Variants in NTN1 observed in about 807,000 individuals in gnomAD.
The protein encoded by NTN1 is netrin-1.
In NTN1, 11 loss-of-function variants were observed where a neutral mutation model predicts 54.2. That is an observed-to-expected ratio of 0.20 (90% CI 0.13 to 0.34). NTN1 has a LOEUF of 0.34. NTN1 is among the 10% of genes least tolerant of loss of function. NTN1 has a pLI of 1.00. For synonymous variants in NTN1, 371 were observed against 382.0 expected (o/e 0.97, Z 0.33); for missense variants, 740 against 893.1 (o/e 0.83, Z 2.18).
intron 6 of NTN1, among the ~76,000 whole-genome samples, chr17:9,224,738 G>A (rs1021437546): frequency 1.3e-5 from 2 of 151,576 alleles, no homozygotes; most frequent in African/African-American, 2.4e-5. Context: ...TGGCCCAGGC[G>A]CGTCACCCAG....
At chr17:9,058,453 C>T (rs922186259) in intron 2 of NTN1, among the ~76,000 whole-genome samples, 3 of 150,898 alleles carry the variant, frequency 2.0e-5, no homozygotes, top group African/African-American at 7.3e-5. Context: ...GAATTATGTA[C>T]GTTTCTGTGT....
At chr17:9,060,477 G>C (rs2091993572) in intron 2 of NTN1, among the ~76,000 whole-genome samples, 1 of 152,168 alleles carries the variant, frequency 6.6e-6, no homozygotes, top group Admixed American at 6.5e-5. Flanking sequence ...GTTTTTTACT[G>C]TGTGGGGCAT....
intron 5 of NTN1, among the ~76,000 whole-genome samples, chr17:9,204,250 C>T (rs1226297837): frequency 1.4e-5 from 2 of 139,200 alleles, no homozygotes; most frequent in Non-Finnish European, 3.0e-5. Context: ...CTCTGTTTCT[C>T]TCTCTCTCTC....
At chr17:9,061,987 G>A (rs1437289126) in intron 2 of NTN1, among the ~76,000 whole-genome samples, 1 of 152,188 alleles carries the variant, frequency 6.6e-6, no homozygotes, top group Non-Finnish European at 1.5e-5. Context: ...ACAGGTGTGA[G>A]CCACCACAGC....
rs953524558 is a variant in NTN1 at position 9,219,504 on chromosome 17, C to T, written c.1412-1664C>T. ...GGCCCCAAGAGTCTGGCACAGGAAG[C>T]GGTGGGAGGCTACCACACCCATGGC... On this transcript the variant is annotated intron_variant, in intron 5 of 6. Transcript: ENST00000173229. The surrounding 1 kb of genome is among the most constrained non-coding windows in gnomAD (Gnocchi z 4.5). Among the ~76,000 whole-genome samples, 9 of 152,146 alleles carry T rather than the reference C, an allele frequency of 5.9e-5. No individual in the cohort carries two copies. Among genetic ancestry groups the T allele is most frequent in the African/African-American group, 1.9e-4 (8 of 41,414 alleles).
intron 2 of NTN1, among the ~76,000 whole-genome samples, chr17:9,055,983 A>T (rs1248838938): frequency 1.3e-5 from 2 of 150,784 alleles, no homozygotes; most frequent in Non-Finnish European, 3.0e-5. Flanking sequence ...CTGCAGCCTC[A>T]ACCTCCCAGA....
Position 9,127,076 on chromosome 17 carries a change from G to GGC in NTN1, c.1019-35736_1019-35735insCG, listed in dbSNP as rs1555570077. On this transcript the variant is annotated intron_variant, in intron 2 of 6. Transcript: ENST00000173229. ...GAGTGAGATTGTGGTAGGGCCGGGG[G>GGC]GGGGCAGGACAGGGAGTTAGGATTT... 5.5e-5 allele frequency among the ~76,000 whole-genome samples: 8 copies of GGC among 146,332 alleles called. No individual in the cohort carries two copies. In the East Asian group the frequency reaches 1.3e-3, roughly 23 times the overall value.
Position 9,239,618 on chromosome 17 carries a change from G to A in NTN1, c.1487-22G>A, listed in dbSNP as rs1225996712. 1.9e-6 allele frequency: 3 copies of A among 1,597,442 alleles called. No individual in the cohort carries two copies. Among genetic ancestry groups the A allele is most frequent in the Admixed American group, 1.7e-5 (1 of 59,676 alleles). On this transcript the variant is annotated intron_variant, in intron 6 of 6. Coordinates refer to ENST00000173229, the MANE Select transcript of NTN1 (RefSeq NM_004822.3). This position sits in a 1 kb window ranked among gnomAD's most constrained non-coding sequence, Gnocchi z 5.2. ...AGCCACAGCAGCTGGGAGCCCACCC[G>A]TCTGCCTGTGCTTCCTTGCAGCCGT...
intron 2 of NTN1, among the ~76,000 whole-genome samples, chr17:9,139,791 C>G (rs2092292005): frequency 1.3e-5 from 2 of 152,116 alleles, no homozygotes; most frequent in Non-Finnish European, 2.9e-5. Context: ...ACCTACCTAC[C>G]TACTCACTTA....
the NTN1 span, among the ~76,000 whole-genome samples, chr17:9,006,154 G>C: frequency 7.0e-6 from 1 of 142,866 alleles, no homozygotes; most frequent in African/African-American, 2.6e-5. Context: ...TGGGTAGGGG[G>C]AGGAGAAGCC....
chr17:9,069,833 T>C (rs887336303), intron 2 of NTN1, among the ~76,000 whole-genome samples: 1 of 152,202 alleles, frequency 6.6e-6, no homozygotes, highest in African/African-American at 2.4e-5. Flanking sequence ...TTTGTGATCT[T>C]GATGTATTCT....
intron 2 of NTN1, among the ~76,000 whole-genome samples, chr17:9,158,695 CT>C (rs1343687421): frequency 3.9e-5 from 6 of 152,204 alleles, no homozygotes; most frequent in Admixed American, 3.9e-4. Flanking sequence ...GAGCAGGCCC[CT>C]GTCACCCTTG....
At position 9,239,739 on chromosome 17, in the gene NTN1, G is replaced by A. The variant is rs1906120131; in HGVS notation, c.1586G>A (p.Arg529His). 7 of 1,613,676 alleles carry A rather than the reference G, an allele frequency of 4.3e-6. No individual in the cohort carries two copies. The highest frequency in any genetic ancestry group is 1.3e-5 in the African/African-American group (1 of 74,922). ...SVYKQGTSRI[R>H]RGDQSLWIRS... is the part of the protein sequence containing the mutation. ...TATAAGCAGGGCACGAGCCGCATCC[G>A]CCGCGGTGACCAGAGCCTGTGGATC... Residue 529 changes from arginine (R) to histidine (H), a missense_variant, in exon 7 of 7, where the codon CGC (arginine) becomes CAC (histidine). Arg to His is a conservative substitution (Grantham distance 29). Transcript: ENST00000173229. The surrounding 1 kb of genome is among the most constrained non-coding windows in gnomAD (Gnocchi z 5.2).
intron 6 of NTN1, among the ~76,000 whole-genome samples, chr17:9,236,900 G>A (rs868078139): frequency 6.6e-6 from 1 of 152,194 alleles, no homozygotes; most frequent in South Asian, 2.1e-4. Flanking sequence ...ACCAGAGAGG[G>A]TTGGGCAGGG....
chr17:9,029,312 G>A (rs1002613656), intron 2 of NTN1, among the ~76,000 whole-genome samples: 2 of 152,322 alleles, frequency 1.3e-5, no homozygotes, highest in South Asian at 4.1e-4. Flanking sequence ...TTCAAAGACA[G>A]ATGTCCTGGC....
intron 2 of NTN1, among the ~76,000 whole-genome samples, chr17:9,090,417 G>A (rs1049324026): frequency 2.0e-5 from 3 of 151,982 alleles, no homozygotes; most frequent in South Asian, 2.1e-4. Flanking sequence ...CTCATGATCC[G>A]CCTGCCTCGG....
rs148107400 is a variant in NTN1 at position 9,234,085 on chromosome 17, C to T, written c.1487-5555C>T. On this transcript the variant is annotated intron_variant, in intron 6 of 6. Coordinates refer to ENST00000173229, the MANE Select transcript of NTN1 (RefSeq NM_004822.3). ...GCCCTGAGCCCCTTTCTTGCCTCCT[C>T]GGAGCCACGGCCAGCCCTCCAGAGC... Among the ~76,000 whole-genome samples, 6 of 152,330 alleles carry T rather than the reference C, an allele frequency of 3.9e-5. No homozygotes were observed. In the East Asian group the frequency reaches 5.8e-4, roughly 15 times the overall value.
At chr17:9,021,299 G>A (rs1022371143), upstream of NTN1, among the ~76,000 whole-genome samples, 1 of 151,900 alleles carries the variant, frequency 6.6e-6, no homozygotes, top group African/African-American at 2.4e-5. Flanking sequence ...TGCTCTCCTC[G>A]CTTTCTCTTT....
intron 2 of NTN1, among the ~76,000 whole-genome samples, chr17:9,066,111 G>A (rs1366856703): frequency 6.6e-6 from 1 of 152,164 alleles, no homozygotes; most frequent in Non-Finnish European, 1.5e-5. Flanking sequence ...CGGTCAAGAA[G>A]ATCACTAGTT....
Sources: allele counts gnomAD v4.1 joint callset (sites outside exome capture counted in the v4.1 genomes callset), GRCh38; gene constraint gnomAD v4.1.1; non-coding constraint Gnocchi (gnomAD v3.1); transcripts MANE v1.5; gene names NCBI Gene and HGNC (gene_info 2026-07-23, HGNC 2026-07-21).